ZER1: variants seen among roughly 807,000 people sequenced by gnomAD.
ZER1 encodes the protein zyg-11 related cell cycle regulator, also known as protein zer-1 homolog.
A neutral mutation model predicts 78.8 loss-of-function variants in ZER1; 11 were observed. The ratio of observed to expected loss-of-function variants is 0.14; its 90% CI spans 0.09 to 0.23. The LOEUF (loss-of-function observed/expected upper bound fraction) is 0.23, where lower values mean the gene tolerates loss of function less well. ZER1 is among the 10% of genes least tolerant of loss of function. The pLI is 1.00. For synonymous variants in ZER1, 400 were observed against 407.0 expected, an observed-to-expected ratio of 0.98 and a Z score of 0.21; for missense variants, 588 against 996.9, an observed-to-expected ratio of 0.59 and a Z score of 5.52.
intron 14 of ZER1, among the ~76,000 whole-genome samples, chr9:128,734,162 T>TATATATATATATAA (rs1424101118): frequency 1.6e-5 from 1 of 63,476 alleles, no homozygotes; most frequent in African/African-American, 4.4e-5. Context: ...TATATATATA[T>TATATATATATATAA]AAAATCTTAA....
intron 8 of ZER1, among the ~76,000 whole-genome samples, chr9:128,746,905 G>A (rs1863511078): frequency 6.6e-6 from 1 of 151,990 alleles, no homozygotes; most frequent in South Asian, 2.1e-4. Context: ...CAAAGTGCTG[G>A]GATTATAGGC....
intron 8 of ZER1, among the ~76,000 whole-genome samples, chr9:128,747,627 G>C (rs975520868): frequency 6.6e-6 from 1 of 151,948 alleles, no homozygotes; most frequent in Non-Finnish European, 1.5e-5. Flanking sequence ...TTTTGGTTTT[G>C]TTTTGACACA....
chr9:128,772,097 C>T (rs188856147), upstream of ZER1, among the ~76,000 whole-genome samples: 8 of 152,354 alleles, frequency 5.3e-5, no homozygotes, highest in South Asian at 4.1e-4. Context: ...GATGCCCCCC[C>T]CAGGCCACCC....
chr9:128,762,902 A>C (rs1413248798), intron 1 of ZER1, among the ~76,000 whole-genome samples: 1 of 152,204 alleles, frequency 6.6e-6, no homozygotes, highest in East Asian at 1.9e-4. Context: ...AACCAGAGGG[A>C]GCACTGCTGG....
chr9:128,770,603 C>T (rs951463266), intron 1 of ZER1, among the ~76,000 whole-genome samples: 2 of 152,130 alleles, frequency 1.3e-5, no homozygotes, highest in Non-Finnish European at 2.9e-5. Context: ...TCCCCATGGT[C>T]CTTCCTTCTC....
Position 128,743,207 on chromosome 9 carries a change from T to A in ZER1, c.1360-462A>T, listed in dbSNP as rs555272606. Among the ~76,000 whole-genome samples the A allele has an allele frequency of 2.2e-4, 34 of 151,922 alleles. No individual in the cohort carries two copies. The South Asian group carries it at 6.9e-3, about 31-fold the overall frequency. On this transcript the variant is annotated intron_variant, in intron 8 of 15. Transcript: ENST00000291900. ...ATCTCGGCTCACTGCAACCTTCACC[T>A]CCCTGGTTCAAACAATTCTCCTGCC...
intron 13 of ZER1, among the ~76,000 whole-genome samples, chr9:128,737,416 G>A (rs1276060352): frequency 6.6e-6 from 1 of 152,150 alleles, no homozygotes; most frequent in African/African-American, 2.4e-5. Context: ...TATAGTACTT[G>A]GCACACTGGC....
At chr9:128,750,492 C>T in intron 8 of ZER1, 124 bp downstream of exon 8, 1 of 1,138,210 alleles carries the variant, frequency 8.8e-7, no homozygotes, top group East Asian at 2.5e-5. Flanking sequence ...TCAGGGAGTG[C>T]TGCTGTGGGA....
At position 128,742,665 on chromosome 9, in the gene ZER1, C is replaced by A; in HGVS notation, c.1440G>T (p.Glu480Asp). The change falls in exon 9 of 16, where the codon GAG becomes GAT. Residue 480 changes from glutamate (E) to aspartate (D), a missense_variant. Glu to Asp is a conservative substitution (Grantham distance 45). Coordinates refer to ENST00000291900, the MANE Select transcript of ZER1 (RefSeq NM_006336.4). ...TGGGGTTGAGGATGCTGAGCAGGAG[C>A]TCGTTGACCCGGCGGTACTGGAATT... ...ELEFQYRRVN[E>D]LLLSILNPTR... 1 of 1,614,210 alleles carries A rather than the reference C, an allele frequency of 6.2e-7. No homozygotes were observed. Among genetic ancestry groups the A allele is most frequent in the Non-Finnish European group, 8.5e-7 (1 of 1,180,034 alleles).
chr9:128,731,939 C>G (rs1340690176), intron 15 of ZER1, among the ~76,000 whole-genome samples: 1 of 152,220 alleles, frequency 6.6e-6, no homozygotes. Context: ...GAGTCTCGCC[C>G]GCCCCAGCCT....
chr9:128,757,784 G>A (rs1863908360), intron 1 of ZER1, among the ~76,000 whole-genome samples: 1 of 152,174 alleles, frequency 6.6e-6, no homozygotes. Context: ...GCAAATTGGT[G>A]TGAACTGGGA....
chr9:128,769,616 G>T (rs887467746), intron 1 of ZER1, among the ~76,000 whole-genome samples: 13 of 151,996 alleles, frequency 8.6e-5, no homozygotes, highest in African/African-American at 3.1e-4. Context: ...GTTTCACCAT[G>T]TTGGCCAGGC....
intron 8 of ZER1, among the ~76,000 whole-genome samples, chr9:128,747,165 C>A (rs1203353922): frequency 1.3e-5 from 2 of 151,690 alleles, no homozygotes; most frequent in Non-Finnish European, 2.9e-5. Context: ...CACCACTACA[C>A]TCCAGCCTGA....
At position 128,755,445 on chromosome 9, in the gene ZER1, A is replaced by C; in HGVS notation, c.121T>G (p.Phe41Val). Residue 41 changes from phenylalanine to valine, a missense_variant, in exon 2 of 16, where the codon TTC becomes GTC. Transcript: ENST00000291900. The surrounding 1 kb of genome is among the most constrained non-coding windows in gnomAD (Gnocchi z 5.6). ...KETLRLHPDI[F>V]LPSEICDRLV... ...CGGTCACAGATCTCGCTGGGCAAGAAGATGTCCGGATGTAGCCGCAGGGTC... is the reference window on the plus strand; with the variant it reads ...CGGTCACAGATCTCGCTGGGCAAGACGATGTCCGGATGTAGCCGCAGGGTC... 1 of 1,614,038 alleles carries C rather than the reference A, an allele frequency of 6.2e-7. No individual in the cohort carries two copies. Among genetic ancestry groups the C allele is most frequent in the Non-Finnish European group, 8.5e-7 (1 of 1,180,028 alleles).
intron 8 of ZER1, among the ~76,000 whole-genome samples, chr9:128,745,187 T>G (rs1226187029): frequency 6.6e-6 from 1 of 151,370 alleles, no homozygotes; most frequent in African/African-American, 2.4e-5. Context: ...ATTTGCTTAT[T>G]GATTTGTTTG....
At chr9:128,738,510 C>T (rs372950868) in intron 13 of ZER1, among the ~76,000 whole-genome samples, 1 of 146,262 alleles carries the variant, frequency 6.8e-6, no homozygotes, top group Non-Finnish European at 1.5e-5. Flanking sequence ...CTCAGCCTCC[C>T]GAGTAGCTGG....
intron 8 of ZER1, among the ~76,000 whole-genome samples, chr9:128,744,042 C>T (rs1001263936): frequency 6.6e-6 from 1 of 151,778 alleles, no homozygotes; most frequent in Non-Finnish European, 1.5e-5. Flanking sequence ...GGATTACAGG[C>T]AACTGCCACC....
intron 1 of ZER1, among the ~76,000 whole-genome samples, chr9:128,769,252 G>A (rs547506910): frequency 2.0e-5 from 3 of 152,272 alleles, no homozygotes; most frequent in African/African-American, 2.4e-5. Context: ...TAAAACGAAC[G>A]GCTCTGAGGC....
intron 14 of ZER1, among the ~76,000 whole-genome samples, chr9:128,734,322 T>C (rs1267331541): frequency 4.7e-5 from 7 of 148,014 alleles, no homozygotes; most frequent in Admixed American, 3.4e-4. Context: ...TCAGCCTCCC[T>C]AGTAGCTGGG....
Sources: gnomAD v4.1 joint callset for allele counts (sites outside exome capture counted in the v4.1 genomes callset) on GRCh38, gnomAD v4.1.1 for gene constraint, Gnocchi (gnomAD v3.1) non-coding constraint, MANE v1.5 for transcripts, NCBI Gene and HGNC (gene_info 2026-07-23, HGNC 2026-07-21) for gene names.